Variants in RBKS observed in about 807,000 individuals in gnomAD.
RBKS encodes the protein ribokinase.
Under a neutral mutation model 33.9 loss-of-function variants are expected in RBKS, and 33 were observed. That is an observed-to-expected ratio of 0.97 (90% CI 0.74 to 1.30). The LOEUF is 1.30. Ranked by LOEUF, RBKS falls within the 50% of genes most tolerant of loss-of-function variation. The pLI is 0.00. For synonymous variants in RBKS, 125 were observed against 143.0 expected (o/e 0.87, Z 0.90); for missense variants, 361 against 392.6 (o/e 0.92, Z 0.68).
chr2:27,791,700 C>T (rs578005932), intron 7 of RBKS, among the ~76,000 whole-genome samples: 28 of 148,284 alleles, frequency 1.9e-4, no homozygotes, highest in East Asian at 1.8e-3. Context: ...TATACATATA[C>T]GTATACATCT....
intron 1 of RBKS, among the ~76,000 whole-genome samples, chr2:27,875,729 T>C (rs1360486062): frequency 6.6e-6 from 1 of 152,186 alleles, no homozygotes; most frequent in Non-Finnish European, 1.5e-5. Context: ...AACAAATTTT[T>C]GTATCTCTAC....
intron 7 of RBKS, among the ~76,000 whole-genome samples, chr2:27,803,895 AC>A (rs1432237548): frequency 6.6e-6 from 1 of 151,908 alleles, no homozygotes; most frequent in East Asian, 1.9e-4. Flanking sequence ...TAAAAAAAGT[AC>A]AAAAATTAGC....
intron 7 of RBKS, among the ~76,000 whole-genome samples, chr2:27,793,687 T>TA (rs886571408): frequency 3.3e-5 from 5 of 152,160 alleles, no homozygotes; most frequent in Non-Finnish European, 5.9e-5. Context: ...CCAAAAATGA[T>TA]AAAAAACCAC....
intron 7 of RBKS, among the ~76,000 whole-genome samples, chr2:27,789,277 G>A (rs1677463004): frequency 1.3e-5 from 2 of 151,384 alleles, no homozygotes; most frequent in Non-Finnish European, 2.9e-5. Flanking sequence ...TTGGATTTTT[G>A]GAATATTTGC....
intron 4 of RBKS, among the ~76,000 whole-genome samples, chr2:27,846,067 C>T (rs146191737): frequency 2.0e-5 from 3 of 151,960 alleles, no homozygotes; most frequent in Non-Finnish European, 2.9e-5. Flanking sequence ...TGAGTTCAAG[C>T]GATTCTCCTG....
Position 27,781,848 on chromosome 2 carries a change from A to G in RBKS, c.796-60T>C, listed in dbSNP as rs992214192. On this transcript the variant is annotated intron_variant, in intron 7 of 7. Coordinates refer to ENST00000302188, the MANE Select transcript of RBKS (RefSeq NM_022128.3). ...GTAGTCAATCTGTTGCCCAAACTGC[A>G]TATTTTAAAGATATTTAAGTAAACT... 31 of 1,399,802 alleles carry G rather than the reference A, an allele frequency of 2.2e-5. No homozygotes were observed. The African/African-American group carries it at 3.9e-4, about 18-fold the overall frequency. The allele number at this position is 1,399,802 out of a possible 1,614,324, so 86.7% of individuals were successfully genotyped here. A position where few individuals can be genotyped will look rare whatever the true frequency, so the allele number is the denominator to read the frequency against.
intron 4 of RBKS, among the ~76,000 whole-genome samples, chr2:27,846,736 T>C (rs980209949): frequency 6.2e-4 from 94 of 152,214 alleles, no homozygotes; most frequent in Non-Finnish European, 8.8e-5. Context: ...GAGACAAATG[T>C]CAATTATAAG....
rs1678308610 is a variant in RBKS, at chr2:27,826,221, T to C, written c.795+1346A>G. ...AAGTATATTCACATCCAAAACTTCA[T>C]CAGATCCCCTCAGCCTTCTTTTTTC... On this transcript the variant is annotated intron_variant, in intron 7 of 7. Transcript: ENST00000302188. 2.0e-5 allele frequency among the ~76,000 whole-genome samples: 3 copies of C among 152,198 alleles called. No individual in the cohort carries two copies. In the South Asian group the frequency reaches 6.2e-4, roughly 32 times the overall value.
chr2:27,811,062 GA>G (rs1677978089), intron 7 of RBKS, among the ~76,000 whole-genome samples: 1 of 152,128 alleles, frequency 6.6e-6, no homozygotes, highest in African/African-American at 2.4e-5. Context: ...GGAACTATTT[GA>G]AGCAGCACAA....
At chr2:27,853,356 A>C (rs2148216754) in intron 2 of RBKS, among the ~76,000 whole-genome samples, 1 of 149,736 alleles carries the variant, frequency 6.7e-6, no homozygotes, top group Admixed American at 6.6e-5. Context: ...TGTCTCTGAA[A>C]AAAAAAAAAA....
chr2:27,810,968 T>C lies in RBKS; in HGVS notation c.795+16599A>G, dbSNP rs1677977230. Among the ~76,000 whole-genome samples, 1 of 152,228 alleles carries C rather than the reference T, an allele frequency of 6.6e-6. No individual in the cohort carries two copies. On this transcript the variant is annotated intron_variant, in intron 7 of 7. Transcript: ENST00000302188. The surrounding 1 kb of genome is among the most constrained non-coding windows in gnomAD (Gnocchi z 4.4). ...CCTCAGAAGTGTGAATTCTCAGAAG[T>C]GGCAAAGGAAGCCCTTTACAACCCA...
intron 1 of RBKS, among the ~76,000 whole-genome samples, chr2:27,859,524 GAAATA>G (rs1663929121): frequency 6.6e-6 from 1 of 152,138 alleles, no homozygotes; most frequent in Non-Finnish European, 1.5e-5. Context: ...AAGGTGTGAG[GAAATA>G]AAATATTTGA....
Position 27,890,278 on chromosome 2 carries a change from G to A in RBKS, c.68C>T (p.Ser23Phe). 1.2e-6 allele frequency: 2 copies of A among 1,613,754 alleles called. No individual in the cohort carries two copies. The highest frequency in any genetic ancestry group is 1.3e-5 in the African/African-American group (1 of 74,988). The part of the protein sequence containing the change: ...EEVAAVVVVG[S>F]CMTDLVSLTS... ...TAACCTGACCAGGTCGGTCATGCAG[G>A]AGCCCACCACTACCACCGCCGCCAC... The change falls in exon 1 of 8, where the codon TCC becomes TTC. Residue 23 changes from serine to phenylalanine, a missense_variant. Coordinates refer to ENST00000302188, the MANE Select transcript of RBKS (RefSeq NM_022128.3). The surrounding 1 kb of genome is among the most constrained non-coding windows in gnomAD (Gnocchi z 4.8).
In RBKS at chr2:27,861,669, G is replaced by C. The variant is rs188598574; in HGVS notation, c.90-3098C>G. The C allele has an allele frequency of 3.7e-5, 16 of 429,780 alleles. No homozygotes were observed. In the East Asian group the frequency reaches 4.3e-4, roughly 11 times the overall value. 26.6% of individuals were successfully genotyped at this position (429,780 alleles called of 1,614,324 possible). On this transcript the variant is annotated intron_variant, in intron 1 of 7. Coordinates refer to ENST00000302188, the MANE Select transcript of RBKS (RefSeq NM_022128.3). ...AGTATGTTCCATTTCTTTTTGGGGG[G>C]GGGGTGGAGTCTCACTTTGTCTCCC... is the stretch of plus-strand genomic sequence containing the variant.
chr2:27,865,448 G>A lies in RBKS; in HGVS notation c.90-6877C>T, dbSNP rs185330201. 9.2e-5 allele frequency among the ~76,000 whole-genome samples: 14 copies of A among 152,222 alleles called. No individual in the cohort carries two copies. The East Asian group carries it at 2.3e-3, about 25-fold the overall frequency. On this transcript the variant is annotated intron_variant, in intron 1 of 7. Transcript: ENST00000302188. Reference sequence around the variant, plus strand: ...TTGCTTCCCAACAATTTTCTTCATAGCAATATCACTACATGACATTACAAT... The same window carrying A: ...TTGCTTCCCAACAATTTTCTTCATAACAATATCACTACATGACATTACAAT...
chr2:27,884,858 C>A (rs1664495733), intron 1 of RBKS, among the ~76,000 whole-genome samples: 1 of 152,158 alleles, frequency 6.6e-6, no homozygotes, highest in South Asian at 2.1e-4. Context: ...TGCAGAGAGA[C>A]TTGAAGAGAG....
chr2:27,890,338 G>A lies in RBKS; in HGVS notation c.8C>T (p.Ala3Val). Reference sequence around the variant, plus strand: ...CCACTGCCTCTGGGGTTCCCCAGACGCCGCCATCGCTCAAAGGTGCTGCTG... The same window carrying A: ...CCACTGCCTCTGGGGTTCCCCAGACACCGCCATCGCTCAAAGGTGCTGCTG... MA[A>V]SGEPQRQWQE... The change falls in exon 1 of 8, where the codon GCG (alanine) becomes GTG (valine). Residue 3 changes from alanine to valine, a missense_variant. Transcript: ENST00000302188. The surrounding 1 kb of genome is among the most constrained non-coding windows in gnomAD (Gnocchi z 4.8). 1 of 1,613,280 alleles carries A rather than the reference G, an allele frequency of 6.2e-7. No homozygotes were observed. Among genetic ancestry groups the A allele is most frequent in the Non-Finnish European group, 8.5e-7 (1 of 1,179,950 alleles).
chr2:27,819,501 A>C (rs764203530), intron 7 of RBKS, among the ~76,000 whole-genome samples: 4 of 152,186 alleles, frequency 2.6e-5, no homozygotes, highest in Non-Finnish European at 5.9e-5. Context: ...GAACCATTCC[A>C]TCCAGGACTG....
intron 1 of RBKS, among the ~76,000 whole-genome samples, chr2:27,867,479 CTT>C (rs1351106072): frequency 6.6e-6 from 1 of 152,034 alleles, no homozygotes; most frequent in Non-Finnish European, 1.5e-5. Context: ...TCTTTATAAA[CTT>C]AGTTGGGAAT....
Sources: gnomAD v4.1 joint callset for allele counts (sites outside exome capture counted in the v4.1 genomes callset) on GRCh38, gnomAD v4.1.1 for gene constraint, Gnocchi (gnomAD v3.1) non-coding constraint, MANE v1.5 for transcripts, NCBI Gene and HGNC (gene_info 2026-07-23, HGNC 2026-07-21) for gene names.